Variants in UBE2L3 observed in about 807,000 individuals in gnomAD.
UBE2L3 encodes the protein ubiquitin-conjugating enzyme E2 L3.
In UBE2L3, 1 loss-of-function variant was observed where a neutral mutation model predicts 17.8. That is an observed-to-expected ratio of 0.06 (90% CI 0.02 to 0.27). The LOEUF is 0.27. UBE2L3 is among the 10% of genes least tolerant of loss of function. The pLI is 1.00. For missense variants in UBE2L3, 40 were observed against 192.6 expected (o/e 0.21, Z 4.69); for synonymous variants, 44 against 68.5 (o/e 0.64, Z 1.76).
chr22:21,612,392 C>T (rs975017994), intron 3 of UBE2L3, among the ~76,000 whole-genome samples: 2 of 152,154 alleles, frequency 1.3e-5, no homozygotes, highest in East Asian at 3.8e-4. Context: ...GTGGCGCGAT[C>T]TCTGCTCACT....
At chr22:21,572,169 T>C (rs892117254) in intron 1 of UBE2L3, among the ~76,000 whole-genome samples, 1 of 151,966 alleles carries the variant, frequency 6.6e-6, no homozygotes, top group Non-Finnish European at 1.5e-5. Context: ...GCGTGGTGAC[T>C]CACACCTGTA....
At chr22:21,573,718 A>G (rs929068958) in intron 1 of UBE2L3, among the ~76,000 whole-genome samples, 8 of 152,070 alleles carry the variant, frequency 5.3e-5, no homozygotes, top group African/African-American at 1.9e-4. Context: ...CCTATGGGAA[A>G]TGCTTTGAGG....
intron 2 of UBE2L3, among the ~76,000 whole-genome samples, chr22:21,603,919 T>C (rs1369540487): frequency 6.7e-6 from 1 of 148,980 alleles, no homozygotes; most frequent in East Asian, 1.9e-4. Flanking sequence ...TTTTTTTTTT[T>C]TTTTTTTTTT....
chr22:21,617,400 G>A (rs537923082), intron 3 of UBE2L3, among the ~76,000 whole-genome samples: 3 of 152,180 alleles, frequency 2.0e-5, no homozygotes, highest in East Asian at 3.9e-4. Context: ...CCGAGTAGCT[G>A]GGACTACAGG....
At chr22:21,567,809 G>A (rs1926715174) in intron 1 of UBE2L3, 38 bp downstream of exon 1, 3 of 1,567,452 alleles carry the variant, frequency 1.9e-6, no homozygotes, top group East Asian at 4.6e-5. Flanking sequence ...GGCGTGGGGC[G>A]GCGTCCTAGG....
chr22:21,591,588 C>T (rs1210514217), intron 1 of UBE2L3, among the ~76,000 whole-genome samples: 1 of 152,242 alleles, frequency 6.6e-6, no homozygotes, highest in Non-Finnish European at 1.5e-5. Context: ...CCAATTGTTT[C>T]CTTCCCTGCC....
rs986128555 is a variant in UBE2L3, at chr22:21,597,047, C to T, written c.123+4091C>T. ...AGGCCAGAATGCAGAAGCACAGTCT[C>T]GTCTCACTGCAACCTCTGCCTCCCG... On this transcript the variant is annotated intron_variant, in intron 2 of 3. Transcript: ENST00000342192. 4.0e-5 allele frequency among the ~76,000 whole-genome samples: 6 copies of T among 151,814 alleles called. No homozygotes were observed. The East Asian group carries it at 5.9e-4, about 15-fold the overall frequency.
At chr22:21,586,112 T>G (rs1369605990) in intron 1 of UBE2L3, among the ~76,000 whole-genome samples, 1 of 151,988 alleles carries the variant, frequency 6.6e-6, no homozygotes, top group Non-Finnish European at 1.5e-5. Flanking sequence ...ATTTTTTAAT[T>G]TTTTTATTTT....
At chr22:21,572,422 CAAAAAAAAAAAA>C (rs140497) in intron 1 of UBE2L3, among the ~76,000 whole-genome samples, 1 of 104,804 alleles carries the variant, frequency 9.5e-6, no homozygotes, top group Non-Finnish European at 1.8e-5. Flanking sequence ...GACTCCGTCT[CAAAAAAAAAAAA>C]AAAAAAAGAA....
chr22:21,583,937 C>T (rs1248437002), intron 1 of UBE2L3, among the ~76,000 whole-genome samples: 1 of 151,990 alleles, frequency 6.6e-6, no homozygotes, highest in Admixed American at 6.6e-5. Context: ...TTCAATGGAG[C>T]GATCTTGGCT....
chr22:21,589,762 A>G (rs151212941), intron 1 of UBE2L3, among the ~76,000 whole-genome samples: 185 of 152,260 alleles, frequency 1.2e-3, no homozygotes, highest in Middle Eastern at 6.8e-3. Flanking sequence ...TTGCCTTATA[A>G]TCAGTTCTTC....
chr22:21,595,978 G>C (rs1313857391), intron 2 of UBE2L3, among the ~76,000 whole-genome samples: 1 of 151,618 alleles, frequency 6.6e-6, no homozygotes, highest in Admixed American at 6.6e-5. Flanking sequence ...CGATTCTCCT[G>C]CCTCAGCCTC....
At chr22:21,613,009 G>A (rs1929585911) in intron 3 of UBE2L3, among the ~76,000 whole-genome samples, 1 of 152,282 alleles carries the variant, frequency 6.6e-6, no homozygotes, top group African/African-American at 2.4e-5. Flanking sequence ...AGAGTGTTCA[G>A]TAATTCCTGG....
intron 1 of UBE2L3, among the ~76,000 whole-genome samples, chr22:21,576,200 C>T (rs1486326589): frequency 6.6e-6 from 1 of 151,504 alleles, no homozygotes; most frequent in Admixed American, 6.6e-5. Context: ...CTGCAACCTC[C>T]GCCTCCCGGG....
At chr22:21,576,385 C>T (rs534583111) in intron 1 of UBE2L3, among the ~76,000 whole-genome samples, 17 of 151,846 alleles carry the variant, frequency 1.1e-4, no homozygotes, top group African/African-American at 4.1e-4. Context: ...GCAAGCTCCA[C>T]CTCCCAGGTT....
intron 3 of UBE2L3, chr22:21,614,727 C>T (rs1929676924): frequency 9.3e-7 from 1 of 1,077,158 alleles, no homozygotes; most frequent in Non-Finnish European, 1.3e-6. Flanking sequence ...CAATTCCACT[C>T]TTAGCTATAT....
At chr22:21,616,420 G>A (rs1454774288) in intron 3 of UBE2L3, among the ~76,000 whole-genome samples, 1 of 152,078 alleles carries the variant, frequency 6.6e-6, no homozygotes, top group African/African-American at 2.4e-5. Context: ...GGAGGCCGAG[G>A]TGGGCGGATC....
intron 3 of UBE2L3, chr22:21,614,588 C>A: frequency 2.9e-6 from 4 of 1,367,604 alleles, no homozygotes; most frequent in Non-Finnish European, 3.9e-6. Context: ...TGGCTTCTCT[C>A]AGATCCAGCC....
Position 21,562,385 on chromosome 22 carries a change from T to G in UBE2L3, c.201+12735T>G, listed in dbSNP as rs535066173. Among the ~76,000 whole-genome samples the G allele has an allele frequency of 6.3e-4, 94 of 149,178 alleles. 1 individual carries two copies. Among genetic ancestry groups the G allele is most frequent in the Non-Finnish European group, 1.0e-3 (70 of 67,240 alleles). ...AATTTTTTCTTTTTTTCTTTTTTTT[T>G]TTTTGAGACGGAGTCTCGCTCTGTC... On this transcript the variant is annotated intron_variant, in intron 1 of 3. Transcript: ENST00000458578.
Sources: allele counts gnomAD v4.1 joint callset (sites outside exome capture counted in the v4.1 genomes callset), GRCh38; gene constraint gnomAD v4.1.1; transcripts MANE v1.5; gene names NCBI Gene and HGNC (gene_info 2026-07-23, HGNC 2026-07-21).